Variants in KIF15 observed in about 807,000 individuals in gnomAD.
The protein encoded by KIF15 is kinesin-like protein KIF15.
Under a neutral mutation model 190.6 loss-of-function variants are expected in KIF15, and 140 were observed. That is an observed-to-expected ratio of 0.73 (90% CI 0.64 to 0.84). The LOEUF (loss-of-function observed/expected upper bound fraction) is 0.84. KIF15 is among the 40% of genes least tolerant of loss of function. The pLI is 0.00. For synonymous variants in KIF15, 528 were observed against 551.3 expected (o/e 0.96, Z 0.59); for missense variants, 1,372 against 1,584.4 (o/e 0.87, Z 2.28).
rs539376507 is a variant in KIF15 at position 44,852,403 on chromosome 3, C to A, written c.4104+64C>A. The A allele has an allele frequency of 9.9e-5, 142 of 1,438,802 alleles. 1 individual carries two copies. The East Asian group carries it at 3.2e-3, about 33-fold the overall frequency. 89.1% of individuals were successfully genotyped at this position (1,438,802 alleles called of 1,614,324 possible). ...TTAAAAATGATTATTTTATTGAAAC[C>A]AAATTAAAACTTAATTATTGAATCA... On this transcript the variant is annotated intron_variant, in intron 34 of 34. Coordinates refer to ENST00000326047, the MANE Select transcript of KIF15 (RefSeq NM_020242.3).
intron 6 of KIF15, chr3:44,862,020 G>T: frequency 7.2e-7 from 1 of 1,380,292 alleles, no homozygotes; most frequent in South Asian, 1.7e-5. Flanking sequence ...AGGCGGGTGC[G>T]ATGCGGCGCC....
At chr3:44,787,162 C>T (rs1218358680) in intron 7 of KIF15, among the ~76,000 whole-genome samples, 1 of 152,092 alleles carries the variant, frequency 6.6e-6, no homozygotes, top group Non-Finnish European at 1.5e-5. Flanking sequence ...TTTAAAGACC[C>T]TGGTATCACC....
rs1355238772 is a variant in KIF15, at chr3:44,814,943, G to C, written c.2416G>C (p.Val806Leu). 6.2e-7 allele frequency: 1 copy of C among 1,610,716 alleles called. No homozygotes were observed. Among genetic ancestry groups the C allele is most frequent in the African/African-American group, 1.3e-5 (1 of 74,664 alleles). The change falls in exon 20 of 35, where the codon GTC becomes CTC. Residue 806 changes from valine to leucine, a missense_variant. Physicochemically the swap from Val to Leu is conservative, Grantham distance 32 (BLOSUM62 1). Transcript: ENST00000326047. ...AAGTGAGGTACATGACCTGCGAGTA[G>C]TCCTTCATTCTGCTGACAAGGAGCT... Reference protein sequence around the residue: ...LKSEVHDLRVVLHSADKELSS... With the variant: ...LKSEVHDLRVLLHSADKELSS...
At chr3:44,794,481 T>C in intron 8 of KIF15, 55 bp downstream of exon 8, 1 of 1,340,122 alleles carries the variant, frequency 7.5e-7, no homozygotes, top group Non-Finnish European at 1.0e-6. Flanking sequence ...TAGCAGTCAA[T>C]ACAGTCGTGA....
At chr3:44,777,163 A>G (rs1367977580) in intron 3 of KIF15, among the ~76,000 whole-genome samples, 1 of 151,666 alleles carries the variant, frequency 6.6e-6, no homozygotes, top group East Asian at 1.9e-4. Context: ...ATGCCAAGCT[A>G]AATTTTAAAT....
chr3:44,804,149 A>G (rs926907040), intron 14 of KIF15, among the ~76,000 whole-genome samples: 3 of 152,106 alleles, frequency 2.0e-5, no homozygotes, highest in Non-Finnish European at 4.4e-5. Context: ...CGCCTGACTT[A>G]GGTTTTCTGT....
At chr3:44,791,871 C>T (rs1396793968) in intron 7 of KIF15, among the ~76,000 whole-genome samples, 1 of 152,120 alleles carries the variant, frequency 6.6e-6, no homozygotes. Flanking sequence ...CTGTCTGCCA[C>T]CACGCCCAGC....
chr3:44,839,812 A>G (rs1465437998), intron 27 of KIF15, among the ~76,000 whole-genome samples: 1 of 152,178 alleles, frequency 6.6e-6, no homozygotes, highest in Non-Finnish European at 1.5e-5. Context: ...TACTTGGAAC[A>G]GTGTCCTCCA....
intron 20 of KIF15, among the ~76,000 whole-genome samples, chr3:44,817,356 G>C (rs1416878512): frequency 6.6e-6 from 1 of 152,128 alleles, no homozygotes; most frequent in Non-Finnish European, 1.5e-5. Flanking sequence ...TTTTCTTCTA[G>C]GGTTTTTATG....
chr3:44,836,827 T>G (rs990070686), intron 26 of KIF15, among the ~76,000 whole-genome samples: 11 of 152,184 alleles, frequency 7.2e-5, no homozygotes, highest in Non-Finnish European at 1.6e-4. Context: ...CCTGACTGAC[T>G]AAAATTGGGA....
intron 7 of KIF15, among the ~76,000 whole-genome samples, chr3:44,791,383 A>G (rs1211826026): frequency 6.6e-6 from 1 of 152,200 alleles, no homozygotes; most frequent in Admixed American, 6.5e-5. Context: ...TAGTGTCTTT[A>G]GATCAGGTAG....
chr3:44,775,801 G>A (rs1705856668), intron 3 of KIF15, among the ~76,000 whole-genome samples: 1 of 151,676 alleles, frequency 6.6e-6, no homozygotes. Context: ...TCATTTCTTG[G>A]CCAGGCGTGG....
intron 1 of KIF15, among the ~76,000 whole-genome samples, chr3:44,767,916 G>C (rs892868397): frequency 3.1e-5 from 4 of 130,598 alleles, no homozygotes; most frequent in African/African-American, 5.9e-5. Context: ...AAAAAAAAAA[G>C]GAGTGTGGAG....
Position 44,801,217 on chromosome 3 carries a change from G to C in KIF15, c.1223-233G>C, listed in dbSNP as rs543986482. Among the ~76,000 whole-genome samples, 11 of 150,590 alleles carry C rather than the reference G, an allele frequency of 7.3e-5. 1 individual carries two copies. The highest frequency in any genetic ancestry group is 4.7e-4 in the Admixed American group (7 of 15,032). ...TAGAGATCGGGGGCGGCGGGAGGGG[G>C]GGGTCTCACCATGTTGGCCAGGCTG... On this transcript the variant is annotated intron_variant, in intron 11 of 34. Transcript: ENST00000326047.
intron 14 of KIF15, among the ~76,000 whole-genome samples, 175 bp from the exon 15 acceptor site, chr3:44,804,829 CTAGGCATGGTGGCATGCACCTGT>C (rs1707419025): frequency 6.6e-6 from 1 of 152,098 alleles, no homozygotes; most frequent in Admixed American, 6.6e-5. Flanking sequence ...AGTTGTAAAG[CTAGGCATGGTGGCATGCACCTGT>C]AGTCCCAACT....
At chr3:44,853,925 G>C (rs1003549282), downstream of KIF15, among the ~76,000 whole-genome samples, 1 of 152,152 alleles carries the variant, frequency 6.6e-6, no homozygotes, top group Non-Finnish European at 1.5e-5. Context: ...TTATTTCTAT[G>C]GCAGGTCCAG....
chr3:44,811,589 G>A (rs1038684551), intron 17 of KIF15, among the ~76,000 whole-genome samples: 2 of 152,130 alleles, frequency 1.3e-5, no homozygotes, highest in Non-Finnish European at 2.9e-5. Context: ...AGGTTGCAGT[G>A]AGCCGAGATC....
At chr3:44,790,688 T>C (rs1706645486) in intron 7 of KIF15, among the ~76,000 whole-genome samples, 1 of 144,746 alleles carries the variant, frequency 6.9e-6, no homozygotes, top group South Asian at 2.2e-4. Context: ...CATCAGTTTT[T>C]CTGTTTCTTT....
chr3:44,780,089 T>A (rs55706113), intron 4 of KIF15, among the ~76,000 whole-genome samples: 1,474 of 88,164 alleles, frequency 0.017, 8 homozygotes, highest in East Asian at 0.029. Context: ...TTTTTTTTTT[T>A]AAAAGAGATG....
Sources: allele counts gnomAD v4.1 joint callset (sites outside exome capture counted in the v4.1 genomes callset), GRCh38; gene constraint gnomAD v4.1.1; transcripts MANE v1.5; gene names NCBI Gene and HGNC (gene_info 2026-07-23, HGNC 2026-07-21).